The following MED14 variants were observed in gnomAD, a reference collection of about 807,000 sequenced individuals.
MED14 encodes mediator of RNA polymerase II transcription subunit 14.
Under a neutral mutation model 109.0 loss-of-function variants are expected in MED14, and 8 were observed. The observed-to-expected ratio is 0.07, with a 90% CI of 0.04 to 0.13. The LOEUF is 0.13. Among genes scored for constraint, MED14 ranks in the 10% least tolerant of loss-of-function variants. MED14 has a pLI of 1.00. For synonymous variants in MED14, 399 were observed against 408.7 expected (o/e 0.98, Z 0.29); for missense variants, 711 against 1,142.4 (o/e 0.62, Z 5.44).
At chrX:40,691,864 G>T (rs186639433) in intron 15 of MED14, among the ~76,000 whole-genome samples, 2 of 109,454 alleles carry the variant, frequency 1.8e-5, no homozygotes, top group African/African-American at 3.3e-5. Context: ...CACCCGCCTC[G>T]GCCTCCCAAA....
At chrX:40,687,247 T>C (rs142378284) in intron 16 of MED14, among the ~76,000 whole-genome samples, 2 of 111,499 alleles carry the variant, frequency 1.8e-5, no homozygotes, top group African/African-American at 6.5e-5. Flanking sequence ...TCTTTGCCAC[T>C]TTCCCCTCTT....
chrX:40,718,605 G>A (rs991286881), intron 3 of MED14, among the ~76,000 whole-genome samples: 10 of 112,033 alleles, frequency 8.9e-5, no homozygotes, highest in Non-Finnish European at 1.3e-4. Context: ...AGGCAGAGGC[G>A]GGAAGACTGC....
chrX:40,675,541 A>C (rs1929884000), intron 21 of MED14, among the ~76,000 whole-genome samples, 180 bp from the exon 22 acceptor site: 1 of 112,478 alleles, frequency 8.9e-6, no homozygotes. Flanking sequence ...AACAGTTAAC[A>C]AAAACAGCAT....
At chrX:40,654,758 T>C (rs890205969) in intron 29 of MED14, among the ~76,000 whole-genome samples, 177 bp downstream of exon 29, 1 of 112,169 alleles carries the variant, frequency 8.9e-6, no homozygotes, top group African/African-American at 3.2e-5. Flanking sequence ...TTCAATAAAT[T>C]TCTGTTTTAT....
intron 23 of MED14, among the ~76,000 whole-genome samples, chrX:40,670,888 G>A (rs1453198907): frequency 2.7e-5 from 3 of 112,198 alleles, no homozygotes; most frequent in African/African-American, 9.7e-5. Context: ...AATTAACGTA[G>A]TTTTGTTTGC....
At chrX:40,709,538 C>T in intron 9 of MED14, 79 bp from the exon 10 acceptor site, 1 of 431,536 alleles carries the variant, frequency 2.3e-6, no homozygotes, top group Non-Finnish European at 3.8e-6. Context: ...GATTACTGTG[C>T]TTCAAAATAT....
chrX:40,702,475 T>C (rs960236275), intron 11 of MED14, among the ~76,000 whole-genome samples: 1 of 107,664 alleles, frequency 9.3e-6, no homozygotes, highest in Non-Finnish European at 1.9e-5. Flanking sequence ...GCCTCCCGAG[T>C]AGCTGGGACT....
At chrX:40,684,845 C>T (rs1930240683) in intron 16 of MED14, among the ~76,000 whole-genome samples, 1 of 112,090 alleles carries the variant, frequency 8.9e-6, no homozygotes, top group Admixed American at 9.5e-5. Flanking sequence ...CAGCGGAACC[C>T]TGAAAGTGCA....
At chrX:40,716,544 T>C (rs1285971215) in intron 3 of MED14, among the ~76,000 whole-genome samples, 1 of 107,179 alleles carries the variant, frequency 9.3e-6, no homozygotes, top group African/African-American at 3.4e-5. Context: ...GAGCCATGAC[T>C]GTGCCACTGC....
At chrX:40,659,756 C>T (rs1238637617) in intron 26 of MED14, 149 bp from the exon 27 acceptor site, 1 of 450,441 alleles carries the variant, frequency 2.2e-6, no homozygotes, top group African/African-American at 2.5e-5. Context: ...GCTGGCAACA[C>T]TGCAAAAAGA....
rs770749090 is a variant in MED14, at chrX:40,671,966, G to C, written c.3028C>G (p.Pro1010Ala). The C allele has an allele frequency of 5.9e-6, 7 of 1,180,903 alleles. No individual in the cohort carries two copies. In the African/African-American group the frequency reaches 1.2e-4, roughly 21 times the overall value. The change falls in exon 23 of 31, where the codon CCA becomes GCA. Residue 1010 changes from proline (P) to alanine (A), a missense_variant. Coordinates refer to ENST00000324817, the MANE Select transcript of MED14 (RefSeq NM_004229.4). ...GCACCTGATGTTCCTGGCTGCTTTG[G>C]AAATGGCTGAAAAGAAGAAAATTAA... ...LQPPPQQQPFPKQPGTSGAYP... is the reference protein window; with the variant it reads ...LQPPPQQQPFAKQPGTSGAYP...
At chrX:40,658,949 G>A (rs1254864065) in intron 28 of MED14, among the ~76,000 whole-genome samples, 5 of 111,688 alleles carry the variant, frequency 4.5e-5, no homozygotes, top group Non-Finnish European at 9.4e-5. Flanking sequence ...GGTAACTCTG[G>A]TTGGCCAGAA....
At chrX:40,667,159 G>A (rs756822627) in intron 23 of MED14, among the ~76,000 whole-genome samples, 1 of 111,880 alleles carries the variant, frequency 8.9e-6, no homozygotes, top group South Asian at 3.7e-4. Flanking sequence ...CAGGCATTGG[G>A]GATGCAGCAG....
chrX:40,670,483 C>T (rs910485966), intron 23 of MED14, among the ~76,000 whole-genome samples: 3 of 111,967 alleles, frequency 2.7e-5, no homozygotes, highest in East Asian at 2.8e-4. Context: ...AAGGAGAGGC[C>T]GGGCGCGGTG....
intron 18 of MED14, 46 bp downstream of exon 18, chrX:40,682,556 CT>C (rs373513326): frequency 0.038 from 25,401 of 663,920 alleles, no homozygotes; most frequent in East Asian, 0.045. Flanking sequence ...AGGGTGAGGG[CT>C]TTTTTTTTTT....
intron 30 of MED14, 59 bp downstream of exon 30, chrX:40,654,305 T>A (rs1367133913): frequency 9.4e-7 from 1 of 1,059,804 alleles, no homozygotes. Flanking sequence ...GAAAGGGGTG[T>A]CTCTCAAAAG....
At chrX:40,679,579 AAGTTC>A (rs1307263841) in intron 21 of MED14, among the ~76,000 whole-genome samples, 2 of 112,301 alleles carry the variant, frequency 1.8e-5, no homozygotes, top group Middle Eastern at 4.6e-3. Flanking sequence ...ACTACTTTTA[AAGTTC>A]CAAAGACCAA....
chrX:40,649,985 G>C lies in MED14; in HGVS notation c.*1821C>G. ...CATTAAAAGGGAAAATACCTAAAAAGTTAACTCTTAATAAAATTATTTGAA... is the reference window on the plus strand; with the variant it reads ...CATTAAAAGGGAAAATACCTAAAAACTTAACTCTTAATAAAATTATTTGAA... On this transcript the variant is annotated 3_prime_UTR_variant, in exon 31 of 31. Transcript: ENST00000324817. The C allele has an allele frequency of 1.3e-5, 10 of 745,857 alleles. No individual in the cohort carries two copies. The South Asian group carries it at 6.1e-4, about 46-fold the overall frequency. 61.5% of individuals were successfully genotyped at this position (745,857 alleles called of 1,213,427 possible). A position where few individuals can be genotyped will look rare whatever the true frequency, so the allele number is the denominator to read the frequency against.
chrX:40,716,117 G>C (rs1045557149), intron 3 of MED14, among the ~76,000 whole-genome samples: 2 of 111,187 alleles, frequency 1.8e-5, no homozygotes, highest in African/African-American at 6.5e-5. Flanking sequence ...TAATCATCAA[G>C]GAAATGTAAA....
Sources: gnomAD v4.1 joint callset for allele counts (sites outside exome capture counted in the v4.1 genomes callset) on GRCh38, gnomAD v4.1.1 for gene constraint, MANE v1.5 for transcripts, NCBI Gene and HGNC (gene_info 2026-07-23, HGNC 2026-07-21) for gene names.